Variants in LAMA4 observed in about 807,000 individuals in gnomAD.
LAMA4 encodes the protein laminin subunit alpha 4.
A neutral mutation model predicts 207.1 loss-of-function variants in LAMA4; 127 were observed. That is an observed-to-expected ratio of 0.61 (90% CI 0.53 to 0.71). The LOEUF (loss-of-function observed/expected upper bound fraction) is 0.71, where lower values mean the gene tolerates loss of function less well. Among genes scored for constraint, LAMA4 ranks in the 30% least tolerant of loss-of-function variants. LAMA4 has a pLI of 0.00. For synonymous variants in LAMA4, 761 were observed against 816.0 expected, an observed-to-expected ratio of 0.93 and a Z score of 1.15; for missense variants, 2,093 against 2,246.5, an observed-to-expected ratio of 0.93 and a Z score of 1.38.
chr6:112,148,919 T>C (rs1019325784), intron 17 of LAMA4, among the ~76,000 whole-genome samples: 1 of 128,044 alleles, frequency 7.8e-6, no homozygotes, highest in Non-Finnish European at 1.7e-5. Flanking sequence ...TAAAAATAAT[T>C]ATAATTCATT....
intron 21 of LAMA4, 35 bp from the exon 22 acceptor site, chr6:112,140,957 T>G: frequency 6.4e-7 from 1 of 1,564,850 alleles, no homozygotes. Flanking sequence ...TGTTATTATA[T>G]AATTCATAGA....
intron 2 of LAMA4, among the ~76,000 whole-genome samples, chr6:112,231,747 T>A (rs1554364519): frequency 6.6e-6 from 1 of 152,240 alleles, no homozygotes; most frequent in Non-Finnish European, 1.5e-5. Context: ...TTGACATATG[T>A]CTGGCCCCAC....
At position 112,154,869 on chromosome 6, in the gene LAMA4, G is replaced by A. The variant is rs1554336513; in HGVS notation, c.2038C>T (p.Gln680Ter). The change falls in exon 16 of 39, where the codon CAA (glutamine) becomes TAA (stop). Residue 680 changes from glutamine to a stop codon, truncating the protein, a stop_gained. Coordinates refer to ENST00000230538, the MANE Select transcript of LAMA4 (RefSeq NM_001105206.3). LOFTEE classifies it high-confidence loss of function. Reference protein sequence around the residue: ...ENLLNQARELQAKAESSSDEA... With the variant: ...ENLLNQAREL ...TATTTACTAGACTCTGCCTTTGCTT[G>A]CAGTTCTCTGGCTTGATTGAGGAGG... 1 of 1,609,198 alleles carries A rather than the reference G, an allele frequency of 6.2e-7. No individual in the cohort carries two copies. Among genetic ancestry groups the A allele is most frequent in the Non-Finnish European group, 8.5e-7 (1 of 1,175,706 alleles).
intron 5 of LAMA4, among the ~76,000 whole-genome samples, chr6:112,197,396 A>G (rs2114987401): frequency 6.6e-6 from 1 of 152,284 alleles, no homozygotes; most frequent in South Asian, 2.1e-4. Context: ...AGTAAGTAAA[A>G]CATGTTTTAT....
rs527630912 is a variant in LAMA4 at position 112,203,148 on chromosome 6, T to C, written c.423-1460A>G. Among the ~76,000 whole-genome samples the C allele has an allele frequency of 5.3e-5, 8 of 152,322 alleles. No homozygotes were observed. The East Asian group carries it at 5.8e-4, about 11-fold the overall frequency. On this transcript the variant is annotated intron_variant, in intron 4 of 38. Coordinates refer to ENST00000230538, the MANE Select transcript of LAMA4 (RefSeq NM_001105206.3). ...GTTTCTCATCAGCATTAACTGTTTA[T>C]GTTTTGTCTGGTTTTGGCTAGGGAA...
At chr6:112,146,153 G>T (rs1780014593) in intron 18 of LAMA4, among the ~76,000 whole-genome samples, 1 of 152,100 alleles carries the variant, frequency 6.6e-6, no homozygotes, top group African/African-American at 2.4e-5. Flanking sequence ...ATCCAGGTAT[G>T]GTGGTGCACG....
intron 2 of LAMA4, among the ~76,000 whole-genome samples, chr6:112,232,497 A>G (rs889006632): frequency 6.6e-6 from 1 of 152,220 alleles, no homozygotes; most frequent in Non-Finnish European, 1.5e-5. Flanking sequence ...TAATGTAAAT[A>G]TGTATTTTCT....
intron 32 of LAMA4, among the ~76,000 whole-genome samples, chr6:112,120,738 T>A (rs1778304926): frequency 6.6e-6 from 1 of 152,186 alleles, no homozygotes; most frequent in South Asian, 2.1e-4. Flanking sequence ...TCTTACTGTG[T>A]CTTGGTTTGA....
chr6:112,171,787 G>T (rs2114862485), intron 12 of LAMA4: 1 of 152,736 alleles, frequency 6.5e-6, no homozygotes, highest in Middle Eastern at 3.4e-3. Context: ...TTTTACGGAA[G>T]AAATTTTACA....
At chr6:112,130,911 C>T (rs1778996948) in intron 29 of LAMA4, 57 bp downstream of exon 29, 2 of 1,580,256 alleles carry the variant, frequency 1.3e-6, no homozygotes, top group African/African-American at 1.3e-5. Flanking sequence ...TGGTTTTTGA[C>T]ATAATCATGT....
At chr6:112,189,516 G>A (rs1268681063) in intron 6 of LAMA4, among the ~76,000 whole-genome samples, 2 of 152,088 alleles carry the variant, frequency 1.3e-5, no homozygotes, top group Non-Finnish European at 2.9e-5. Context: ...AAATGTCCTG[G>A]TAAGTTTCAC....
intron 2 of LAMA4, among the ~76,000 whole-genome samples, chr6:112,231,384 G>C (rs2114263516): frequency 6.6e-6 from 1 of 152,290 alleles, no homozygotes; most frequent in Admixed American, 6.5e-5. Flanking sequence ...ATAGTCCTCA[G>C]AGACAGCCCA....
intron 2 of LAMA4, among the ~76,000 whole-genome samples, chr6:112,231,583 G>T (rs1554364484): frequency 9.9e-5 from 15 of 152,196 alleles, no homozygotes; most frequent in Non-Finnish European, 2.9e-5. Flanking sequence ...ATGACATCCA[G>T]CTGTATCCCT....
intron 13 of LAMA4, among the ~76,000 whole-genome samples, chr6:112,160,570 C>T (rs782072932): frequency 6.6e-6 from 1 of 152,210 alleles, no homozygotes; most frequent in South Asian, 2.1e-4. Flanking sequence ...ACACCTGGCC[C>T]CAAATCTCCA....
In LAMA4 at chr6:112,241,140, T is replaced by TATATATATTC. The variant is rs1554187579; in HGVS notation, c.195+12815_195+12816insGAATATATAT. Among the ~76,000 whole-genome samples the TATATATATTC allele has an allele frequency of 5.7e-4, 39 of 68,426 alleles. 1 individual carries two copies. The highest frequency in any genetic ancestry group is 1.7e-3 in the African/African-American group (36 of 20,634). 44.9% of individuals were successfully genotyped at this position (68,426 alleles called of 152,430 possible). A position where few individuals can be genotyped will look rare whatever the true frequency, so the allele number is the denominator to read the frequency against. ...GAATATATATATGAATATATAGGAA[T>TATATATATTC]ATATATATGAATATATATATGAATA... On this transcript the variant is annotated intron_variant, in intron 2 of 38. Transcript: ENST00000230538.
intron 16 of LAMA4, among the ~76,000 whole-genome samples, chr6:112,151,592 T>G (rs942081354): frequency 6.6e-6 from 1 of 152,124 alleles, no homozygotes; most frequent in African/African-American, 2.4e-5. Flanking sequence ...AACCTTAGCT[T>G]CTTTTATCAG....
rs782529075 is a variant in LAMA4, at chr6:112,115,823, G to A, written c.5112+40C>T. The A allele has an allele frequency of 3.8e-6, 6 of 1,597,838 alleles. No homozygotes were observed. The African/African-American group carries it at 5.4e-5, about 14-fold the overall frequency. On this transcript the variant is annotated intron_variant, in intron 36 of 38. Transcript: ENST00000230538. ...ATCTGCTTCAGATCTAGAATCCAAG[G>A]TCAGATGAGACAAATTGTTAAACAT... is the stretch of plus-strand genomic sequence containing the variant.
intron 2 of LAMA4, among the ~76,000 whole-genome samples, chr6:112,245,860 A>T (rs958591303): frequency 2.0e-5 from 3 of 152,178 alleles, no homozygotes; most frequent in African/African-American, 7.2e-5. Context: ...TACTCAAATT[A>T]TATTCACCCG....
intron 4 of LAMA4, among the ~76,000 whole-genome samples, chr6:112,204,296 G>A (rs1472539529): frequency 6.6e-6 from 1 of 152,134 alleles, no homozygotes; most frequent in African/African-American, 2.4e-5. Flanking sequence ...ATATCTGATT[G>A]CATGTAGACA....
Sources: gnomAD v4.1 joint callset for allele counts (sites outside exome capture counted in the v4.1 genomes callset) on GRCh38, gnomAD v4.1.1 for gene constraint, MANE v1.5 for transcripts, NCBI Gene and HGNC (gene_info 2026-07-23, HGNC 2026-07-21) for gene names.